PREPL: variants seen among roughly 807,000 people sequenced by gnomAD.
PREPL encodes the protein prolyl endopeptidase-like.
In PREPL, 77 loss-of-function variants were observed where a neutral mutation model predicts 70.6. The observed-to-expected ratio is 1.09, with a 90% CI of 0.91 to 1.32. PREPL has a LOEUF of 1.32. Ranked by LOEUF, PREPL falls within the 40% of genes most tolerant of loss-of-function variation. The probability of loss-of-function intolerance (pLI) is 0.00; values close to 1 mark genes in which losing one functional copy is unlikely to be tolerated. For synonymous variants in PREPL, 315 were observed against 264.8 expected (o/e 1.19, Z -1.84); for missense variants, 1,002 against 778.2 (o/e 1.29, Z -3.42).
At chr2:44,321,529 T>C in intron 13 of PREPL, 84 bp from the exon 14 acceptor site, 2 of 1,544,738 alleles carry the variant, frequency 1.3e-6, no homozygotes, top group Non-Finnish European at 1.7e-6. Flanking sequence ...TCTATCCATC[T>C]TTACCTAACC....
intron 5 of PREPL, among the ~76,000 whole-genome samples, chr2:44,341,072 T>TA (rs1675170755): frequency 6.6e-6 from 1 of 152,186 alleles, no homozygotes; most frequent in Non-Finnish European, 1.5e-5. Flanking sequence ...TCGAGACTGC[T>TA]ACTACCCTTT....
Position 44,326,719 on chromosome 2 carries a change from G to A in PREPL, c.1472C>T (p.Thr491Ile), listed in dbSNP as rs774361565. Reference protein sequence around the residue: ...NSNPELVRAVTLEAPFLDVLN... With the variant: ...NSNPELVRAVILEAPFLDVLN... ...GAGACAGAGCGTACTCACCTCCAAA[G>A]TCACCGCTCTCACCAGCTCTGGATT... is the stretch of plus-strand genomic sequence containing the variant. The change falls in exon 10 of 14, where the codon ACT becomes ATT. Residue 491 changes from threonine to isoleucine, a missense_variant. Coordinates refer to ENST00000409411, the MANE Select transcript of PREPL (RefSeq NM_001171613.2). 2.5e-6 allele frequency: 4 copies of A among 1,613,346 alleles called. No individual in the cohort carries two copies.
intron 1 of PREPL, among the ~76,000 whole-genome samples, chr2:44,355,191 A>T (rs1322209465): frequency 3.9e-5 from 6 of 152,196 alleles, no homozygotes; most frequent in African/African-American, 1.4e-4. Flanking sequence ...TGGATTTTAG[A>T]ATCCAAAGAG....
chr2:44,328,970 T>G lies in PREPL; in HGVS notation c.1229A>C (p.Asp410Ala). The part of the protein sequence containing the change: ...NFRPERRVLV[D>A]DGWILAYCHV... ...GCAGTATGCTAATATCCATCCATCA[T>G]CCACCAGGACCCGCCTCTCAGGCCT... Residue 410 changes from aspartate to alanine, a missense_variant, in exon 9 of 14, where the codon GAT becomes GCT. Physicochemically the swap from Asp to Ala is moderately radical, Grantham distance 126 (BLOSUM62 -2). Transcript: ENST00000409411. 1 of 1,613,862 alleles carries G rather than the reference T, an allele frequency of 6.2e-7. No individual in the cohort carries two copies. The highest frequency in any genetic ancestry group is 8.5e-7 in the Non-Finnish European group (1 of 1,179,910).
At chr2:44,339,068 C>G (rs1395464498) in intron 6 of PREPL, 79 bp downstream of exon 6, 16 of 1,564,878 alleles carry the variant, frequency 1.0e-5, no homozygotes, top group Non-Finnish European at 1.4e-5. Context: ...ACAATGAGCT[C>G]TTGGAGCAAG....
chr2:44,352,745 A>G (rs542924607), intron 1 of PREPL, among the ~76,000 whole-genome samples: 12 of 152,040 alleles, frequency 7.9e-5, no homozygotes, highest in Non-Finnish European at 1.5e-4. Flanking sequence ...CATAAAATGA[A>G]AAAAACATAT....
intron 1 of PREPL, chr2:44,359,860 G>T: frequency 1.7e-6 from 1 of 599,990 alleles, no homozygotes; most frequent in African/African-American, 1.9e-5. Context: ...CCCCACTTAG[G>T]TTATGAATAA....
Position 44,323,286 on chromosome 2 carries a change from ACAG to A in PREPL, c.1602_1604del (p.Cys535del). 1.2e-6 allele frequency: 2 copies of A among 1,606,888 alleles called. No homozygotes were observed. The highest frequency in any genetic ancestry group is 1.7e-6 in the Non-Finnish European group (2 of 1,175,294). On this transcript the variant is annotated inframe_deletion, in exon 11 of 14. Coordinates refer to ENST00000409411, the MANE Select transcript of PREPL (RefSeq NM_001171613.2). ...CCTGAGGTTTAATATTTTGATAGGG[ACAG>A]TAACGTTTTATGTAGTTCTTGTGTT...
intron 13 of PREPL, 149 bp from the exon 14 acceptor site, chr2:44,321,594 C>A: frequency 6.7e-7 from 1 of 1,486,148 alleles, no homozygotes; most frequent in South Asian, 1.4e-5. Context: ...AGGCAGAAGG[C>A]TTCCAACAAT....
chr2:44,328,798 C>T, intron 9 of PREPL, 139 bp downstream of exon 9: 1 of 857,508 alleles, frequency 1.2e-6, no homozygotes, highest in Non-Finnish European at 1.7e-6. Context: ...TCAAGTTTCA[C>T]CAGTGCTGGT....
chr2:44,349,845 A>G (rs888766085), intron 1 of PREPL, among the ~76,000 whole-genome samples: 11 of 152,196 alleles, frequency 7.2e-5, no homozygotes, highest in Non-Finnish European at 1.6e-4. Context: ...AATCTATTTG[A>G]AAATAAATGA....
At chr2:44,322,668 G>C in intron 12 of PREPL, 63 bp downstream of exon 12, 1 of 1,554,414 alleles carries the variant, frequency 6.4e-7, no homozygotes, top group South Asian at 1.2e-5. Flanking sequence ...ATATTCCTCT[G>C]AGCAGTGTGC....
intron 1 of PREPL, among the ~76,000 whole-genome samples, chr2:44,353,982 G>C (rs1215955761): frequency 6.6e-6 from 1 of 152,102 alleles, no homozygotes; most frequent in Admixed American, 6.6e-5. Flanking sequence ...ACAACAAAGT[G>C]AGACCCTGTC....
chr2:44,341,846 A>G (rs936354624), intron 5 of PREPL, among the ~76,000 whole-genome samples: 5 of 151,924 alleles, frequency 3.3e-5, no homozygotes, highest in Admixed American at 1.3e-4. Context: ...CATATATTTA[A>G]TTTTTTCACC....
Position 44,318,099 on chromosome 2 carries a change from T to C in PREPL, c.*3257A>G, listed in dbSNP as rs993458470. ...TACTTAAAGGATCTCAACACTGTTT[T>C]TTTTTTTTTTTGAGACAGTCTTGCT... On this transcript the variant is annotated 3_prime_UTR_variant, in exon 14 of 14. Transcript: ENST00000409411. The C allele has an allele frequency of 2.5e-6, 1 of 393,666 alleles. No homozygotes were observed. The highest frequency in any genetic ancestry group is 5.2e-6 in the Non-Finnish European group (1 of 192,640). The allele number at this position is 393,666 out of a possible 1,614,324, so 24.4% of individuals were successfully genotyped here. A position where few individuals can be genotyped will look rare whatever the true frequency, so the allele number is the denominator to read the frequency against.
intron 1 of PREPL, 83 bp from the exon 2 acceptor site, chr2:44,346,473 C>A: frequency 7.9e-7 from 1 of 1,267,932 alleles, no homozygotes. Context: ...AGGTCTATAC[C>A]GTAGACTTAA....
At chr2:44,335,925 A>G (rs1290527052) in intron 7 of PREPL, among the ~76,000 whole-genome samples, 1 of 152,154 alleles carries the variant, frequency 6.6e-6, no homozygotes, top group African/African-American at 2.4e-5. Flanking sequence ...AAGAAGACAT[A>G]CATGCAGCCA....
intron 1 of PREPL, among the ~76,000 whole-genome samples, chr2:44,350,216 G>C (rs567715887): frequency 7.7e-4 from 117 of 151,776 alleles, no homozygotes; most frequent in African/African-American, 2.7e-3. Context: ...CACAAAATAA[G>C]AACAGTAATA....
chr2:44,340,943 A>AAAAAAAC, intron 5 of PREPL, among the ~76,000 whole-genome samples: 1 of 151,968 alleles, frequency 6.6e-6, no homozygotes, highest in South Asian at 2.1e-4. Flanking sequence ...AAAAAAAAAA[A>AAAAAAAC]AATTAAGAAC....
Sources: allele counts gnomAD v4.1 joint callset (sites outside exome capture counted in the v4.1 genomes callset), GRCh38; gene constraint gnomAD v4.1.1; transcripts MANE v1.5; gene names NCBI Gene and HGNC (gene_info 2026-07-23, HGNC 2026-07-21).